Variants in CACNA2D4 observed in about 807,000 individuals in gnomAD.
CACNA2D4 encodes the protein calcium voltage-gated channel auxiliary subunit alpha2delta 4, also known as voltage-dependent calcium channel subunit alpha-2/delta-4.
Under a neutral mutation model 163.8 loss-of-function variants are expected in CACNA2D4, and 157 were observed. The ratio of observed to expected loss-of-function variants is 0.96; its 90% CI spans 0.84 to 1.09. The LOEUF (loss-of-function observed/expected upper bound fraction) is 1.09. Ranked by LOEUF, CACNA2D4 falls within the 50% of genes least tolerant of loss-of-function variation. The probability of loss-of-function intolerance (pLI) is 0.00; values close to 1 mark genes in which losing one functional copy is unlikely to be tolerated. For synonymous variants in CACNA2D4, 598 were observed against 586.9 expected (o/e 1.02, Z -0.27); for missense variants, 1,410 against 1,479.9 (o/e 0.95, Z 0.78).
At chr12:1,866,806 A>AT (rs1430378129) in intron 18 of CACNA2D4, among the ~76,000 whole-genome samples, 9 of 101,874 alleles carry the variant, frequency 8.8e-5, no homozygotes, top group African/African-American at 3.4e-4. Flanking sequence ...TTTTTTTTGT[A>AT]TTTTTTTGTA....
chr12:1,831,122 C>G (rs775962971), intron 26 of CACNA2D4: 1 of 1,613,900 alleles, frequency 6.2e-7, no homozygotes, highest in African/African-American at 1.3e-5. Context: ...CCCTGCCAAG[C>G]TGGGCTTTCG....
In CACNA2D4 at chr12:1,869,946, C is replaced by T. The variant is rs1032790073; in HGVS notation, c.1878+4658G>A. Among the ~76,000 whole-genome samples, 7 of 152,128 alleles carry T rather than the reference C, an allele frequency of 4.6e-5. No homozygotes were observed. The highest frequency in any genetic ancestry group is 1.2e-4 in the African/African-American group (5 of 41,426). ...GGTAGGCTGTAGATACTCTTGTCTT[C>T]CTTTGAAGGTGTTTTTGTATTAAGC... On this transcript the variant is annotated intron_variant, in intron 18 of 37. Transcript: ENST00000382722. This position sits in a 1 kb window ranked among gnomAD's most constrained non-coding sequence, Gnocchi z 4.7.
chr12:1,878,611 AC>A lies in CACNA2D4; in HGVS notation c.1645-223del, dbSNP rs1343673851. ...AGCAACCGTCATCATACATATTATT[AC>A]CTGACTTCTTTACCACCACATGTTC... On this transcript the variant is annotated intron_variant, in intron 15 of 37. Transcript: ENST00000382722. This position sits in a 1 kb window ranked among gnomAD's most constrained non-coding sequence, Gnocchi z 4.6. Among the ~76,000 whole-genome samples the A allele has an allele frequency of 4.7e-5, 7 of 150,166 alleles. No individual in the cohort carries two copies. The South Asian group carries it at 8.9e-4, about 19-fold the overall frequency.
rs768460488 is a variant in CACNA2D4, at chr12:1,797,498, G to A, written c.3033C>T (p.Cys1011=). ...ACACGAACACGGGGTACTCCGTGTC[G>A]CAGGGCTGCAGCGGGTCCTGCTTCT... The part of the protein sequence containing the change: ...KHKKQDPLQP[C]DTEYPVFVYQ... Residue 1011 remains cysteine (C), a synonymous_variant, in exon 35 of 38, where the codon TGC becomes TGT. Transcript: ENST00000382722. 2.5e-6 allele frequency: 4 copies of A among 1,582,266 alleles called. No homozygotes were observed. Among genetic ancestry groups the A allele is most frequent in the Non-Finnish European group, 3.4e-6 (4 of 1,166,012 alleles).
In CACNA2D4 at chr12:1,875,115, C is replaced by A. The variant is rs927180210; in HGVS notation, c.1806+136G>T. ...TTTTAGGCATTGCTTGTGGCTTGAG[C>A]TTGGAAAGGCTCTGGGATGAACCTG... On this transcript the variant is annotated intron_variant, in intron 17 of 37. Transcript: ENST00000382722. This position sits in a 1 kb window ranked among gnomAD's most constrained non-coding sequence, Gnocchi z 4.0. 3.1e-6 allele frequency: 2 copies of A among 651,832 alleles called. No homozygotes were observed. Among genetic ancestry groups the A allele is most frequent in the East Asian group, 2.5e-5 (1 of 39,228 alleles). 40.4% of individuals were successfully genotyped at this position (651,832 alleles called of 1,614,324 possible).
intron 26 of CACNA2D4, chr12:1,835,416 A>G (rs1864814506): frequency 6.6e-6 from 1 of 151,364 alleles, no homozygotes; most frequent in African/African-American, 2.5e-5. Flanking sequence ...GGATTGAAAG[A>G]ATTAATACAC....
chr12:1,900,520 G>A (rs750508871), intron 6 of CACNA2D4, among the ~76,000 whole-genome samples: 5 of 152,178 alleles, frequency 3.3e-5, no homozygotes, highest in Non-Finnish European at 7.3e-5. Context: ...AATATAATTG[G>A]TGTGAGTATT....
intron 7 of CACNA2D4, among the ~76,000 whole-genome samples, 172 bp from the exon 8 acceptor site, chr12:1,886,545 G>T (rs1255893419): frequency 6.6e-6 from 1 of 152,184 alleles, no homozygotes; most frequent in African/African-American, 2.4e-5. Flanking sequence ...ACACAGTGCT[G>T]AAGCCATCTG....
chr12:1,866,429 G>T (rs1592720561), intron 18 of CACNA2D4, among the ~76,000 whole-genome samples: 2 of 152,236 alleles, frequency 1.3e-5, no homozygotes, highest in South Asian at 4.1e-4. Flanking sequence ...GTCTTTTTGA[G>T]AAATTAAGAG....
At position 1,828,084 on chromosome 12, in the gene CACNA2D4, G is replaced by A; in HGVS notation, c.2551+12655C>T. The A allele has an allele frequency of 4.2e-6, 6 of 1,431,886 alleles. No individual in the cohort carries two copies. Among genetic ancestry groups the A allele is most frequent in the Non-Finnish European group, 5.6e-6 (6 of 1,080,256 alleles). The allele number at this position is 1,431,886 out of a possible 1,614,324, so 88.7% of individuals were successfully genotyped here. On this transcript the variant is annotated intron_variant, in intron 26 of 37. Transcript: ENST00000382722. This position sits in a 1 kb window ranked among gnomAD's most constrained non-coding sequence, Gnocchi z 4.2. ...GCTCCTCCCTCCCTCAGGACTGACA[G>A]GCGGCGCACCCAGGGGCTCCTCTCT...
chr12:1,833,300 G>A lies in CACNA2D4; in HGVS notation c.2551+7439C>T, dbSNP rs1864712322. Reference sequence around the variant, plus strand: ...GCAGCCCGCATCTTTTCGGCAGGGGGTCTAGTGCCTGCATCCAGATTTCAC... The same window carrying A: ...GCAGCCCGCATCTTTTCGGCAGGGGATCTAGTGCCTGCATCCAGATTTCAC... On this transcript the variant is annotated intron_variant, in intron 26 of 37. Coordinates refer to ENST00000382722, the MANE Select transcript of CACNA2D4 (RefSeq NM_172364.5). This position sits in a 1 kb window ranked among gnomAD's most constrained non-coding sequence, Gnocchi z 4.2. Among the ~76,000 whole-genome samples, 1 of 152,282 alleles carries A rather than the reference G, an allele frequency of 6.6e-6. No homozygotes were observed. The highest frequency in any genetic ancestry group is 2.4e-5 in the African/African-American group (1 of 41,542).
intron 13 of CACNA2D4, 56 bp from the exon 14 acceptor site, chr12:1,879,937 C>A: frequency 7.8e-7 from 1 of 1,280,802 alleles, no homozygotes; most frequent in Non-Finnish European, 1.1e-6. Flanking sequence ...CACTGGTTTG[C>A]CGCACTCGGA....
At chr12:1,818,992 TA>T (rs1016146414) in intron 26 of CACNA2D4, among the ~76,000 whole-genome samples, 2 of 100,314 alleles carry the variant, frequency 2.0e-5, no homozygotes, top group Non-Finnish European at 4.3e-5. Flanking sequence ...CAATAAATAC[TA>T]AAAAAATTAA....
rs200552315 is a variant in CACNA2D4 at position 1,863,974 on chromosome 12, C to T, written c.1879-3768G>A. Among the ~76,000 whole-genome samples, 21 of 152,294 alleles carry T rather than the reference C, an allele frequency of 1.4e-4. 1 individual carries two copies. The highest frequency in any genetic ancestry group is 4.6e-4 in the African/African-American group (19 of 41,558). ...CTTGAGCAGCAGAGTTTCGGAAATG[C>T]GGGAGGACATGCCACCAGGTGCCTT... On this transcript the variant is annotated intron_variant, in intron 18 of 37. Transcript: ENST00000382722.
Position 1,886,022 on chromosome 12 carries a change from A to T in CACNA2D4, c.1011T>A (p.His337Gln). The T allele has an allele frequency of 6.2e-7, 1 of 1,613,568 alleles. No individual in the cohort carries two copies. Among genetic ancestry groups the T allele is most frequent in the African/African-American group, 1.3e-5 (1 of 75,018 alleles). ...TCCCTTTAAAACAAGGCTCGATGTAATGGACGTAGTCATTGTACTGCAGTT... is the reference window on the plus strand; with the variant it reads ...TCCCTTTAAAACAAGGCTCGATGTATTGGACGTAGTCATTGTACTGCAGTT... ...INIIAYNDYV[H>Q]YIEPCFKGIL... Residue 337 changes from histidine (H) to glutamine (Q), a missense_variant, in exon 9 of 38, where the codon CAT becomes CAA. By Grantham distance (24) the His-to-Gln change is conservative. Transcript: ENST00000382722.
chr12:1,859,283 C>T lies in CACNA2D4; in HGVS notation c.1941-639G>A, dbSNP rs144366355. On this transcript the variant is annotated intron_variant, in intron 19 of 37. Transcript: ENST00000382722. ...CTGAGGTGGGAGGATCGCTTGAGCC[C>T]GGGAGGTGGAGGCTGTAGTAAGCTG... Among the ~76,000 whole-genome samples, 16 of 151,966 alleles carry T rather than the reference C, an allele frequency of 1.1e-4. No individual in the cohort carries two copies. The East Asian group carries it at 1.8e-3, about 17-fold the overall frequency.
Position 1,871,219 on chromosome 12 carries a change from G to A in CACNA2D4, c.1878+3385C>T, listed in dbSNP as rs560261146. On this transcript the variant is annotated intron_variant, in intron 18 of 37. Coordinates refer to ENST00000382722, the MANE Select transcript of CACNA2D4 (RefSeq NM_172364.5). ...GTGTGTGTACATGTGTGTGCTTCTG[G>A]TATGTGTGTGTACACATGTGCTGCT... Among the ~76,000 whole-genome samples the A allele has an allele frequency of 4.0e-5, 6 of 149,972 alleles. No individual in the cohort carries two copies. The South Asian group carries it at 1.3e-3, about 32-fold the overall frequency.
rs1395707670 is a variant in CACNA2D4, at chr12:1,828,323, C to T, written c.2551+12416G>A. On this transcript the variant is annotated intron_variant, in intron 26 of 37. Transcript: ENST00000382722. This position sits in a 1 kb window ranked among gnomAD's most constrained non-coding sequence, Gnocchi z 4.2. ...TAGCCACACTCAGGCTGCAGGGAGG[C>T]CTACGCCAGATCTTCCTGGGGTACC... 6 of 996,844 alleles carry T rather than the reference C, an allele frequency of 6.0e-6. No homozygotes were observed. Among genetic ancestry groups the T allele is most frequent in the Admixed American group, 6.1e-5 (2 of 32,796 alleles). 61.7% of individuals were successfully genotyped at this position (996,844 alleles called of 1,614,324 possible). A position where few individuals can be genotyped will look rare whatever the true frequency, so the allele number is the denominator to read the frequency against.
chr12:1,813,507 C>T (rs1170490116), intron 26 of CACNA2D4, among the ~76,000 whole-genome samples: 2 of 152,188 alleles, frequency 1.3e-5, no homozygotes, highest in South Asian at 2.1e-4. Flanking sequence ...CCTGAGGACC[C>T]GAATTTAAAA....
Sources: gnomAD v4.1 joint callset for allele counts (sites outside exome capture counted in the v4.1 genomes callset) on GRCh38, gnomAD v4.1.1 for gene constraint, Gnocchi (gnomAD v3.1) non-coding constraint, MANE v1.5 for transcripts, NCBI Gene and HGNC (gene_info 2026-07-23, HGNC 2026-07-21) for gene names.